RBMS3: variants seen among roughly 807,000 people sequenced by gnomAD.
RBMS3 encodes RNA-binding motif, single-stranded-interacting protein 3.
In RBMS3, 27 loss-of-function variants were observed where a neutral mutation model predicts 66.8. The observed-to-expected ratio is 0.40, with a 90% CI of 0.30 to 0.56. The LOEUF (loss-of-function observed/expected upper bound fraction) is 0.56. Ranked by LOEUF, RBMS3 falls within the 20% of genes least tolerant of loss-of-function variation. The pLI is 0.40. For synonymous variants in RBMS3, 188 were observed against 183.0 expected, an observed-to-expected ratio of 1.03 and a Z score of -0.22; for missense variants, 513 against 549.5, an observed-to-expected ratio of 0.93 and a Z score of 0.66.
Position 29,832,993 on chromosome 3 carries a change from C to T in RBMS3, c.638-35865C>T, listed in dbSNP as rs145258961. On this transcript the variant is annotated intron_variant, in intron 6 of 14. Transcript: ENST00000383767. ...ATATGAACTTGAGCATTTCTGGGCACGGCCACAGAGAACACAAATGGGAGG... is the reference window on the plus strand; with the variant it reads ...ATATGAACTTGAGCATTTCTGGGCATGGCCACAGAGAACACAAATGGGAGG... 1.7e-4 allele frequency among the ~76,000 whole-genome samples: 26 copies of T among 152,220 alleles called. No individual in the cohort carries two copies. In the East Asian group the frequency reaches 4.5e-3, roughly 26 times the overall value.
intron 4 of RBMS3, among the ~76,000 whole-genome samples, chr3:29,621,932 T>C (rs2048881023): frequency 6.6e-6 from 1 of 152,206 alleles, no homozygotes; most frequent in African/African-American, 2.4e-5. Flanking sequence ...TAGGAGAATC[T>C]ACATATACTT....
chr3:29,505,919 GA>G (rs57959147), intron 3 of RBMS3, among the ~76,000 whole-genome samples: 9,680 of 151,590 alleles, frequency 0.064, 354 homozygotes, highest in South Asian at 0.12. Context: ...ATTGTATGTT[GA>G]TTTTTTATCC....
chr3:29,769,413 T>G (rs2056089970), intron 6 of RBMS3, among the ~76,000 whole-genome samples: 1 of 151,916 alleles, frequency 6.6e-6, no homozygotes, highest in Admixed American at 6.6e-5. Context: ...AAATATGACA[T>G]CCAATGTGTG....
chr3:29,955,143 G>T (rs1008692261), intron 12 of RBMS3, among the ~76,000 whole-genome samples: 1 of 151,960 alleles, frequency 6.6e-6, no homozygotes, highest in African/African-American at 2.4e-5. Context: ...CCACAGTATG[G>T]TGATAGCTGC....
intron 3 of RBMS3, among the ~76,000 whole-genome samples, chr3:29,573,416 T>C (rs2047007081): frequency 1.3e-5 from 2 of 152,164 alleles, no homozygotes; most frequent in Admixed American, 1.3e-4. Context: ...CATGCTCAGC[T>C]TCCTTTTTCA....
At chr3:29,364,760 T>C (rs1340248497) in intron 1 of RBMS3, among the ~76,000 whole-genome samples, 4 of 152,260 alleles carry the variant, frequency 2.6e-5, no homozygotes, top group Non-Finnish European at 5.9e-5. Flanking sequence ...AATAATAAAT[T>C]AAACTTCTTT....
intron 5 of RBMS3, 76 bp downstream of exon 5, chr3:29,739,953 A>G (rs2054562352): frequency 1.9e-6 from 2 of 1,058,714 alleles, no homozygotes; most frequent in Non-Finnish European, 2.5e-6. Flanking sequence ...TTAGTACTAG[A>G]GCCCAAAGCA....
chr3:29,441,402 A>G (rs188755189), intron 2 of RBMS3, among the ~76,000 whole-genome samples: 2 of 152,328 alleles, frequency 1.3e-5, no homozygotes, highest in East Asian at 1.9e-4. Context: ...CAGTTATTGT[A>G]TATTACATGC....
intron 1 of RBMS3, among the ~76,000 whole-genome samples, chr3:29,378,960 AAGTCTGCTG>A (rs2038629160): frequency 6.6e-6 from 1 of 152,214 alleles, no homozygotes; most frequent in Non-Finnish European, 1.5e-5. Context: ...CCTTTGAAAC[AAGTCTGCTG>A]ACTTAACTTT....
intron 1 of RBMS3, among the ~76,000 whole-genome samples, chr3:29,305,115 C>A (rs1234663651): frequency 2.0e-5 from 3 of 151,850 alleles, no homozygotes; most frequent in African/African-American, 7.2e-5. Context: ...AAGAGCTCTT[C>A]CCTCTTCGTC....
chr3:29,915,455 A>T (rs2060615480), intron 10 of RBMS3, among the ~76,000 whole-genome samples: 1 of 151,894 alleles, frequency 6.6e-6, no homozygotes, highest in South Asian at 2.1e-4. Flanking sequence ...TGAATATGTT[A>T]TACATGCTTT....
In RBMS3 at chr3:29,988,994, A is replaced by G. The variant is rs1482398336; in HGVS notation, c.1179+771A>G. Among the ~76,000 whole-genome samples, 4 of 152,324 alleles carry G rather than the reference A, an allele frequency of 2.6e-5. No homozygotes were observed. In the East Asian group the frequency reaches 7.7e-4, roughly 29 times the overall value. ...TTCCTGAGTCCTATCCCCAGAGATT[A>G]TGATTTATTTGTCTGGAGTATAGAC... On this transcript the variant is annotated intron_variant, in intron 13 of 14. Coordinates refer to ENST00000383767, the MANE Select transcript of RBMS3 (RefSeq NM_001003793.3).
At chr3:29,557,124 C>T (rs1015865042) in intron 3 of RBMS3, among the ~76,000 whole-genome samples, 2 of 152,178 alleles carry the variant, frequency 1.3e-5, no homozygotes, top group African/African-American at 4.8e-5. Flanking sequence ...CCAGGGTATG[C>T]TTACAGGGAA....
chr3:29,323,664 T>C (rs1229924745), intron 1 of RBMS3, among the ~76,000 whole-genome samples: 1 of 146,492 alleles, frequency 6.8e-6, no homozygotes, highest in Non-Finnish European at 1.5e-5. Context: ...CCTTCTGATA[T>C]TGGACACATA....
At chr3:29,828,710 A>G (rs1465203169) in intron 6 of RBMS3, among the ~76,000 whole-genome samples, 1 of 152,232 alleles carries the variant, frequency 6.6e-6, no homozygotes, top group Non-Finnish European at 1.5e-5. Flanking sequence ...AAGAAAGGTA[A>G]CAGATGTTGG....
At chr3:29,557,231 T>C (rs905518359) in intron 3 of RBMS3, among the ~76,000 whole-genome samples, 2 of 152,358 alleles carry the variant, frequency 1.3e-5, no homozygotes, top group African/African-American at 4.8e-5. Context: ...TGTGTAAATA[T>C]ACCCTCTGAG....
At chr3:29,466,393 T>C (rs2042543142) in intron 2 of RBMS3, among the ~76,000 whole-genome samples, 1 of 152,180 alleles carries the variant, frequency 6.6e-6, no homozygotes, top group Admixed American at 6.5e-5. Flanking sequence ...TTTTAAAAAA[T>C]CATTTTGAAT....
rs1699754063 is a variant in RBMS3, at chr3:30,004,709, A to G, written c.*847A>G. ...ACAGTAAAGTTATTAAGGTTGGTTTAAAAACAACTGCATTAGAAATAATGC... is the reference window on the plus strand; with the variant it reads ...ACAGTAAAGTTATTAAGGTTGGTTTGAAAACAACTGCATTAGAAATAATGC... On this transcript the variant is annotated 3_prime_UTR_variant, in exon 15 of 15. Transcript: ENST00000383767. 6.6e-6 allele frequency: 1 copy of G among 152,282 alleles called. No homozygotes were observed. The highest frequency in any genetic ancestry group is 1.5e-5 in the Non-Finnish European group (1 of 67,822). The allele number at this position is 152,282 out of a possible 1,614,324, so 9.4% of individuals were successfully genotyped here.
intron 4 of RBMS3, among the ~76,000 whole-genome samples, chr3:29,613,342 A>G (rs536780707): frequency 1.9e-4 from 29 of 152,068 alleles, no homozygotes; most frequent in African/African-American, 6.7e-4. Flanking sequence ...ATCCTCTCCA[A>G]CACTTGTTAT....
Sources: allele counts gnomAD v4.1 joint callset (sites outside exome capture counted in the v4.1 genomes callset), GRCh38; gene constraint gnomAD v4.1.1; transcripts MANE v1.5; gene names NCBI Gene and HGNC (gene_info 2026-07-23, HGNC 2026-07-21).